Variants in EPB42 observed in about 807,000 individuals in gnomAD.
EPB42 encodes the protein protein 4.2.
Under a neutral mutation model 76.9 loss-of-function variants are expected in EPB42, and 49 were observed. That is an observed-to-expected ratio of 0.64 (90% CI 0.51 to 0.81). The LOEUF is 0.81. Ranked by LOEUF, EPB42 falls within the 30% of genes least tolerant of loss-of-function variation. The pLI, the probability that EPB42 is intolerant of heterozygous loss-of-function variation, is 0.00. For synonymous variants in EPB42, 310 were observed against 338.4 expected (o/e 0.92, Z 0.92); for missense variants, 731 against 867.6 (o/e 0.84, Z 1.98).
At chr15:43,208,009 C>G (rs2042231360) in intron 8 of EPB42, among the ~76,000 whole-genome samples, 1 of 152,198 alleles carries the variant, frequency 6.6e-6, no homozygotes, top group African/African-American at 2.4e-5. Context: ...CTCTAAGGTG[C>G]CTCATCTACC....
In EPB42 at chr15:43,206,119, T is replaced by G. The variant is rs1458048282; in HGVS notation, c.1618+211A>C. Reference sequence around the variant, plus strand: ...GCTACGAAGGGTCTGTTTACTTATCTGACTGCAGTTGGCATCGTGTTTTTT... The same window carrying G: ...GCTACGAAGGGTCTGTTTACTTATCGGACTGCAGTTGGCATCGTGTTTTTT... On this transcript the variant is annotated intron_variant, in intron 10 of 12. Transcript: ENST00000441366. This position sits in a 1 kb window ranked among gnomAD's most constrained non-coding sequence, Gnocchi z 4.7. The G allele has an allele frequency of 1.1e-5, 6 of 564,702 alleles. No homozygotes were observed. The highest frequency in any genetic ancestry group is 7.4e-5 in the African/African-American group (4 of 53,778). The allele number at this position is 564,702 out of a possible 1,614,324, so 35.0% of individuals were successfully genotyped here.
chr15:43,203,063 G>C (rs992710518), intron 11 of EPB42, 52 bp downstream of exon 11: 1 of 1,608,572 alleles, frequency 6.2e-7, no homozygotes. Flanking sequence ...TTCTGAAATG[G>C]GGACCTGAGT....
rs374503872 is a variant in EPB42 at position 43,208,298 on chromosome 15, C to T, written c.1007G>A (p.Arg336Gln). The T allele has an allele frequency of 1.1e-4, 181 of 1,613,936 alleles. No individual in the cohort carries two copies. The highest frequency in any genetic ancestry group is 1.4e-4 in the Non-Finnish European group (171 of 1,179,988). Reference sequence around the variant, plus strand: ...ATCATAACCCTGGGGCAAGGCAGGCCGCGTCATCCAGCACTCTGTGGAAGT... The same window carrying T: ...ATCATAACCCTGGGGCAAGGCAGGCTGCGTCATCCAGCACTCTGTGGAAGT... ...FQTSTECWMT[R>Q]PALPQGYDGW... Residue 336 changes from arginine to glutamine, a missense_variant, in exon 8 of 13, where the codon CGG (arginine) becomes CAG (glutamine). Physicochemically the swap from Arg to Gln is conservative, Grantham distance 43 (BLOSUM62 1). Transcript: ENST00000441366.
intron 9 of EPB42, among the ~76,000 whole-genome samples, 165 bp downstream of exon 9, chr15:43,207,034 A>G (rs916806847): frequency 6.6e-6 from 1 of 152,188 alleles, no homozygotes; most frequent in Non-Finnish European, 1.5e-5. Flanking sequence ...CAACAAAGAC[A>G]TATCTGGGCC....
Position 43,197,289 on chromosome 15 carries a change from T to C in EPB42, c.*13A>G. 1 of 1,614,168 alleles carries C rather than the reference T, an allele frequency of 6.2e-7. No homozygotes were observed. Among genetic ancestry groups the C allele is most frequent in the Admixed American group, 1.7e-5 (1 of 60,012 alleles). On this transcript the variant is annotated 3_prime_UTR_variant, in exon 13 of 13. Transcript: ENST00000441366. ...ACAAGGGTTGGCAGGAGAGTGGTGA[T>C]AGAGCTGGAAGTTTAAGCTGATAGT...
At chr15:43,211,973 C>A (rs974374375) in intron 3 of EPB42, among the ~76,000 whole-genome samples, 1 of 152,016 alleles carries the variant, frequency 6.6e-6, no homozygotes, top group South Asian at 2.1e-4. Context: ...GAGGCTGAAG[C>A]GGGAGGAAAC....
Position 43,197,244 on chromosome 15 carries a change from T to G in EPB42, c.*58A>C. On this transcript the variant is annotated 3_prime_UTR_variant, in exon 13 of 13. Coordinates refer to ENST00000441366, the MANE Select transcript of EPB42 (RefSeq NM_001114134.2). ...ACGCAAAGTTTCTCTTCCTAGCACATGTTTGGTTTAGATTGTAGAACAAGG... is the reference window on the plus strand; with the variant it reads ...ACGCAAAGTTTCTCTTCCTAGCACAGGTTTGGTTTAGATTGTAGAACAAGG... 1.9e-6 allele frequency: 3 copies of G among 1,605,340 alleles called. No individual in the cohort carries two copies. Among genetic ancestry groups the G allele is most frequent in the Non-Finnish European group, 2.6e-6 (3 of 1,172,560 alleles).
At chr15:43,199,462 G>A (rs902254562) in intron 12 of EPB42, among the ~76,000 whole-genome samples, 2 of 152,176 alleles carry the variant, frequency 1.3e-5, no homozygotes, top group Non-Finnish European at 1.5e-5. Flanking sequence ...TGGAATGGCT[G>A]TATTTACCCA....
At chr15:43,208,451 A>T in intron 7 of EPB42, 118 bp from the exon 8 acceptor site, 3 of 1,404,400 alleles carry the variant, frequency 2.1e-6, no homozygotes, top group Non-Finnish European at 3.0e-6. Context: ...CACTGTGTCA[A>T]AGTGGCTGTG....
At chr15:43,202,523 G>T (rs149514084) in intron 11 of EPB42, among the ~76,000 whole-genome samples, 253 of 152,280 alleles carry the variant, frequency 1.7e-3, no homozygotes, top group Middle Eastern at 6.8e-3. Context: ...AATTCCCTTT[G>T]CTTCACTTAT....
Position 43,203,371 on chromosome 15 carries a change from C to T in EPB42, c.1619-96G>A, listed in dbSNP as rs1462681043. 2.0e-6 allele frequency: 3 copies of T among 1,484,254 alleles called. No homozygotes were observed. The African/African-American group carries it at 4.2e-5, about 21-fold the overall frequency. 91.9% of individuals were successfully genotyped at this position (1,484,254 alleles called of 1,614,324 possible). A position where few individuals can be genotyped will look rare whatever the true frequency, so the allele number is the denominator to read the frequency against. On this transcript the variant is annotated intron_variant, in intron 10 of 12. Coordinates refer to ENST00000441366, the MANE Select transcript of EPB42 (RefSeq NM_001114134.2). Reference sequence around the variant, plus strand: ...ACAATACAAAGGACTCAGGGCCTCACTGAGGCCAGAAAGATGCACCATTTT... The same window carrying T: ...ACAATACAAAGGACTCAGGGCCTCATTGAGGCCAGAAAGATGCACCATTTT...
At chr15:43,212,692 C>T (rs2042319395) in intron 3 of EPB42, among the ~76,000 whole-genome samples, 1 of 152,136 alleles carries the variant, frequency 6.6e-6, no homozygotes, top group Non-Finnish European at 1.5e-5. Flanking sequence ...TCTAGGGCTC[C>T]CTCAGTCTCC....
chr15:43,211,293 A>C, intron 4 of EPB42, 123 bp downstream of exon 4: 1 of 778,396 alleles, frequency 1.3e-6, no homozygotes. Context: ...CACAAAGCTG[A>C]AATGGGCTAA....
Position 43,220,995 on chromosome 15 carries a change from A to G in EPB42, c.-170T>C. ...ACCTCCCCCCACTACTCCTGTGAGC[A>G]CCCTGACATGTTTCTTCTCTCCTAC... On this transcript the variant is annotated 5_prime_UTR_variant, in exon 1 of 13. Transcript: ENST00000441366. 1.5e-6 allele frequency: 1 copy of G among 659,344 alleles called. No homozygotes were observed. Among genetic ancestry groups the G allele is most frequent in the African/African-American group, 1.8e-5 (1 of 56,112 alleles). The allele number at this position is 659,344 out of a possible 1,614,324, so 40.8% of individuals were successfully genotyped here.
At chr15:43,212,521 A>G (rs1364958269) in intron 3 of EPB42, among the ~76,000 whole-genome samples, 1 of 152,070 alleles carries the variant, frequency 6.6e-6, no homozygotes, top group Non-Finnish European at 1.5e-5. Context: ...GTGACCAAAA[A>G]CAGGTGTTTC....
At chr15:43,203,576 G>T (rs989842096) in intron 10 of EPB42, among the ~76,000 whole-genome samples, 1 of 152,226 alleles carries the variant, frequency 6.6e-6, no homozygotes, top group African/African-American at 2.4e-5. Flanking sequence ...TGCCTACCTA[G>T]TGGGATGGTT....
At chr15:43,221,940 C>T (rs2042465655), upstream of EPB42, among the ~76,000 whole-genome samples, 1 of 151,528 alleles carries the variant, frequency 6.6e-6, no homozygotes, top group African/African-American at 2.4e-5. Context: ...GTCAGGAGTT[C>T]GAGACCAGCC....
chr15:43,209,155 G>C (rs2042252471), intron 6 of EPB42, 119 bp downstream of exon 6: 2 of 1,167,990 alleles, frequency 1.7e-6, no homozygotes, highest in Admixed American at 3.7e-5. Context: ...TCTGTGTGAT[G>C]AGATGGGGAA....
chr15:43,212,380 AAAAAAAG>A, intron 3 of EPB42, among the ~76,000 whole-genome samples: 1 of 149,592 alleles, frequency 6.7e-6, no homozygotes, highest in African/African-American at 2.5e-5. Context: ...AAAAAAAAAA[AAAAAAAG>A]AAAAAAGAAA....
Sources: gnomAD v4.1 joint callset for allele counts (sites outside exome capture counted in the v4.1 genomes callset) on GRCh38, gnomAD v4.1.1 for gene constraint, Gnocchi (gnomAD v3.1) non-coding constraint, MANE v1.5 for transcripts, NCBI Gene and HGNC (gene_info 2026-07-23, HGNC 2026-07-21) for gene names.